Variants in SCAPER observed in about 807,000 individuals in gnomAD.
SCAPER encodes S-phase cyclin A associated protein in the ER.
In SCAPER, 98 loss-of-function variants were observed where a neutral mutation model predicts 182.2. The ratio of observed to expected loss-of-function variants is 0.54; its 90% CI spans 0.46 to 0.64. The LOEUF is 0.64. Ranked by LOEUF, SCAPER falls within the 30% of genes least tolerant of loss-of-function variation. The pLI is 0.00. For missense variants in SCAPER, 1,432 were observed against 1,690.0 expected, an observed-to-expected ratio of 0.85 and a Z score of 2.68; for synonymous variants, 605 against 564.6, an observed-to-expected ratio of 1.07 and a Z score of -1.01.
chr15:76,855,934 G>A, intron 4 of SCAPER: 2 of 360,936 alleles, frequency 5.5e-6, no homozygotes, highest in Non-Finnish European at 1.1e-5. Flanking sequence ...ATTACCAGAG[G>A]AATATAAATC....
intron 23 of SCAPER, among the ~76,000 whole-genome samples, chr15:76,528,136 T>C (rs1325064261): frequency 6.6e-6 from 1 of 152,218 alleles, no homozygotes; most frequent in Non-Finnish European, 1.5e-5. Flanking sequence ...TAATCATTAA[T>C]AAATGTAAAA....
At chr15:76,589,594 GC>G (rs1390445179) in intron 22 of SCAPER, among the ~76,000 whole-genome samples, 1 of 152,086 alleles carries the variant, frequency 6.6e-6, no homozygotes, top group Non-Finnish European at 1.5e-5. Flanking sequence ...CTGAGAACAT[GC>G]CCCAGGCTAC....
intron 22 of SCAPER, among the ~76,000 whole-genome samples, chr15:76,611,247 T>C (rs1384275299): frequency 2.7e-5 from 4 of 150,780 alleles, no homozygotes; most frequent in African/African-American, 4.9e-5. Context: ...TCTCAAACAA[T>C]ATAGAAAAAA....
intron 23 of SCAPER, among the ~76,000 whole-genome samples, chr15:76,521,865 T>C (rs1328619776): frequency 1.3e-5 from 2 of 152,190 alleles, no homozygotes; most frequent in Non-Finnish European, 2.9e-5. Context: ...GTCTCTAAAG[T>C]CTTCTATCAA....
chr15:76,365,605 TA>T (rs1292953573), intron 29 of SCAPER, among the ~76,000 whole-genome samples: 9 of 152,368 alleles, frequency 5.9e-5, no homozygotes, highest in Admixed American at 5.9e-4. Flanking sequence ...ACTGACCTTG[TA>T]AATTATACAG....
chr15:76,625,002 G>C (rs2052436045), intron 21 of SCAPER, among the ~76,000 whole-genome samples: 3 of 152,190 alleles, frequency 2.0e-5, no homozygotes, highest in Non-Finnish European at 2.9e-5. Flanking sequence ...CTTGCAGGTG[G>C]ATGAACCCCC....
In SCAPER at chr15:76,705,913, A is replaced by AT. The variant is rs1462082548; in HGVS notation, c.2236dup (p.Ile746AsnfsTer6). 1.3e-6 allele frequency: 2 copies of AT among 1,553,010 alleles called. No homozygotes were observed. The highest frequency in any genetic ancestry group is 1.7e-6 in the Non-Finnish European group (2 of 1,150,930). On this transcript the variant is annotated frameshift_variant, in exon 18 of 32. Transcript: ENST00000563290. LOFTEE classifies it high-confidence loss of function. ...ATATAATATCCTTACCTTGAGCTGAATTTTTTTCTGTAACTCTTCCATAGC... is the reference window on the plus strand; with the variant it reads ...ATATAATATCCTTACCTTGAGCTGAATTTTTTTTCTGTAACTCTTCCATAGC...
chr15:76,642,181 A>C (rs941748811), intron 21 of SCAPER, among the ~76,000 whole-genome samples: 3 of 152,232 alleles, frequency 2.0e-5, no homozygotes, highest in Non-Finnish European at 4.4e-5. Context: ...GTCAATGTAC[A>C]AACTTCATAT....
intron 4 of SCAPER, among the ~76,000 whole-genome samples, chr15:76,847,076 A>C (rs2070167134): frequency 6.6e-6 from 1 of 152,190 alleles, no homozygotes; most frequent in Non-Finnish European, 1.5e-5. Context: ...TCCTTACGTA[A>C]ATGAAATAAG....
intron 24 of SCAPER, among the ~76,000 whole-genome samples, chr15:76,503,899 T>A (rs560688871): frequency 1.3e-5 from 2 of 152,054 alleles, no homozygotes; most frequent in African/African-American, 2.4e-5. Flanking sequence ...TTTTTTTTTC[T>A]TTTTGAGACA....
At chr15:76,787,773 A>G (rs143246304) in intron 8 of SCAPER, among the ~76,000 whole-genome samples, 166 of 152,356 alleles carry the variant, frequency 1.1e-3, no homozygotes, top group Non-Finnish European at 1.8e-3. Flanking sequence ...CAGGCAATGT[A>G]AGAGAAAAAC....
At chr15:76,581,528 C>G (rs1474326130) in intron 22 of SCAPER, among the ~76,000 whole-genome samples, 1 of 152,184 alleles carries the variant, frequency 6.6e-6, no homozygotes, top group Non-Finnish European at 1.5e-5. Flanking sequence ...CGATGTGATA[C>G]ATCATATCAA....
At chr15:76,649,067 C>T (rs1257274777) in intron 21 of SCAPER, among the ~76,000 whole-genome samples, 1 of 152,118 alleles carries the variant, frequency 6.6e-6, no homozygotes, top group Non-Finnish European at 1.5e-5. Flanking sequence ...CTCCATGAAA[C>T]CAGAAGACCC....
At chr15:76,519,279 G>A (rs1327985181) in intron 23 of SCAPER, among the ~76,000 whole-genome samples, 2 of 152,116 alleles carry the variant, frequency 1.3e-5, no homozygotes, top group Non-Finnish European at 2.9e-5. Context: ...ACACAGGCAA[G>A]TGATCATATA....
intron 20 of SCAPER, among the ~76,000 whole-genome samples, chr15:76,675,259 A>C (rs1029581155): frequency 1.6e-4 from 25 of 152,246 alleles, no homozygotes; most frequent in Non-Finnish European, 3.2e-4. Flanking sequence ...TAAGTAGATG[A>C]AATTATAATA....
intron 24 of SCAPER, among the ~76,000 whole-genome samples, chr15:76,480,103 T>C (rs1037575935): frequency 6.6e-6 from 1 of 152,234 alleles, no homozygotes; most frequent in Non-Finnish European, 1.5e-5. Flanking sequence ...AGTATTAGTT[T>C]GATGAGAACC....
At chr15:76,367,937 C>A (rs1236408233) in intron 29 of SCAPER, among the ~76,000 whole-genome samples, 1 of 151,516 alleles carries the variant, frequency 6.6e-6, no homozygotes, top group South Asian at 2.1e-4. Context: ...ACATTTTTTT[C>A]TTTGGTGCTA....
intron 18 of SCAPER, among the ~76,000 whole-genome samples, chr15:76,705,698 A>T (rs978063120): frequency 6.6e-6 from 1 of 151,966 alleles, no homozygotes; most frequent in Admixed American, 6.6e-5. Context: ...ACTTCCTTAA[A>T]TTTTTTTTCC....
intron 5 of SCAPER, among the ~76,000 whole-genome samples, chr15:76,835,602 A>G (rs2068860916): frequency 6.6e-6 from 1 of 152,196 alleles, no homozygotes; most frequent in Non-Finnish European, 1.5e-5. Context: ...TGAATGGGCA[A>G]ATGCTGAAAC....
Sources: gnomAD v4.1 joint callset for allele counts (sites outside exome capture counted in the v4.1 genomes callset) on GRCh38, gnomAD v4.1.1 for gene constraint, MANE v1.5 for transcripts, NCBI Gene and HGNC (gene_info 2026-07-23, HGNC 2026-07-21) for gene names.